Variants in HEPHL1 observed in about 807,000 individuals in gnomAD.
HEPHL1 encodes the protein hephaestin like 1.
Under a neutral mutation model 122.0 loss-of-function variants are expected in HEPHL1, and 123 were observed. The ratio of observed to expected loss-of-function variants is 1.01; its 90% confidence interval spans 0.87 to 1.17. HEPHL1 has a LOEUF of 1.17. Among genes scored for constraint, HEPHL1 ranks in the 50% most tolerant of loss-of-function variants. The pLI is 0.00. For missense variants in HEPHL1, 1,452 were observed against 1,430.5 expected (o/e 1.01, Z -0.24); for synonymous variants, 527 against 508.9 (o/e 1.04, Z -0.48).
intron 2 of HEPHL1, among the ~76,000 whole-genome samples, chr11:94,063,104 A>C (rs1425017005): frequency 6.6e-6 from 1 of 152,174 alleles, no homozygotes; most frequent in African/African-American, 2.4e-5. Flanking sequence ...AATCTGAAAT[A>C]AGTCCCCAAG....
rs1310527281 is a variant in HEPHL1, at chr11:94,101,083, GA to G, written c.2435-107del. The G allele has an allele frequency of 2.7e-5, 33 of 1,223,024 alleles. No homozygotes were observed. The African/African-American group carries it at 4.4e-4, about 16-fold the overall frequency. 75.8% of individuals were successfully genotyped at this position (1,223,024 alleles called of 1,614,324 possible). ...AGTAGAGTTATATATGCCTTTCTCG[GA>G]AAAACAACTAAAGCCAAACTATTTT... On this transcript the variant is annotated intron_variant, in intron 13 of 19. Coordinates refer to ENST00000315765, the MANE Select transcript of HEPHL1 (RefSeq NM_001098672.2).
intron 1 of HEPHL1, among the ~76,000 whole-genome samples, chr11:94,035,049 A>G (rs987786766): frequency 1.8e-4 from 28 of 152,190 alleles, no homozygotes; most frequent in African/African-American, 6.8e-4. Flanking sequence ...TTACATCTAA[A>G]TGCCTTAGCC....
chr11:94,102,865 C>T (rs1002794959), intron 14 of HEPHL1, 49 bp from the exon 15 acceptor site: 3 of 937,438 alleles, frequency 3.2e-6, no homozygotes, highest in Non-Finnish European at 5.2e-6. Flanking sequence ...GATAAATCAT[C>T]TGAAACACAG....
At chr11:94,078,474 T>TATATATATAC in intron 9 of HEPHL1, among the ~76,000 whole-genome samples, 1 of 118,558 alleles carries the variant, frequency 8.4e-6, no homozygotes, top group Non-Finnish European at 1.8e-5. Flanking sequence ...TATATATATA[T>TATATATATAC]ATGGAGAAAG....
rs1172123864 is a variant in HEPHL1, at chr11:94,104,540, G to C, written c.2695G>C (p.Gly899Arg). 2 of 1,611,262 alleles carry C rather than the reference G, an allele frequency of 1.2e-6. No homozygotes were observed. Among genetic ancestry groups the C allele is most frequent in the Admixed American group, 3.3e-5 (2 of 59,982 alleles). The change falls in exon 16 of 20, where the codon GGT (glycine) becomes CGT (arginine). Residue 899 changes from glycine (G) to arginine (R), a missense_variant. Coordinates refer to ENST00000315765, the MANE Select transcript of HEPHL1 (RefSeq NM_001098672.2). ...TTTTTTCTTCCAGGATACGTATAGT[G>C]GTTTGATGGGTCCTCTGATTACATG... ...TVNFVKDTYS[G>R]LMGPLITCRK...
intron 14 of HEPHL1, 65 bp downstream of exon 14, chr11:94,101,400 T>G: frequency 6.6e-7 from 1 of 1,525,036 alleles, no homozygotes; most frequent in Non-Finnish European, 8.9e-7. Context: ...TTTTCTGGTC[T>G]CAGAGGTGTC....
intron 2 of HEPHL1, among the ~76,000 whole-genome samples, chr11:94,052,082 A>C (rs1007444888): frequency 1.3e-5 from 2 of 151,938 alleles, no homozygotes; most frequent in Non-Finnish European, 2.9e-5. Context: ...TGATTCCTCC[A>C]GTTTTGTCCT....
chr11:94,058,547 C>T (rs113451247), intron 2 of HEPHL1, among the ~76,000 whole-genome samples: 1,591 of 152,020 alleles, frequency 0.01, 23 homozygotes, highest in African/African-American at 0.036. Context: ...GTGGGTTGAG[C>T]GGGTGGGGCT....
chr11:94,111,291 A>G (rs1305678534), intron 18 of HEPHL1, among the ~76,000 whole-genome samples: 1 of 152,204 alleles, frequency 6.6e-6, no homozygotes, highest in African/African-American at 2.4e-5. Context: ...TAACAGTTGG[A>G]GGATATGAGC....
At chr11:94,092,573 C>T (rs1446224538) in intron 12 of HEPHL1, among the ~76,000 whole-genome samples, 1 of 152,108 alleles carries the variant, frequency 6.6e-6, no homozygotes, top group African/African-American at 2.4e-5. Flanking sequence ...TATGTTGGTG[C>T]TTTCACTGTT....
At chr11:94,107,380 ATT>A (rs1412539509) in intron 17 of HEPHL1, among the ~76,000 whole-genome samples, 1 of 152,174 alleles carries the variant, frequency 6.6e-6, no homozygotes, top group Non-Finnish European at 1.5e-5. Context: ...AATACACAAA[ATT>A]ATAAAAATTT....
At chr11:94,056,494 T>A (rs1188685863) in intron 2 of HEPHL1, among the ~76,000 whole-genome samples, 1 of 152,198 alleles carries the variant, frequency 6.6e-6, no homozygotes, top group Non-Finnish European at 1.5e-5. Flanking sequence ...TAATTTCTGT[T>A]TATTTTTTAG....
intron 13 of HEPHL1, among the ~76,000 whole-genome samples, chr11:94,096,215 A>C (rs1355297603): frequency 6.6e-6 from 1 of 152,154 alleles, no homozygotes; most frequent in African/African-American, 2.4e-5. Context: ...ATTTATTGAG[A>C]GTTTTTAGCA....
intron 2 of HEPHL1, chr11:94,055,949 G>T: frequency 7.6e-7 from 1 of 1,312,384 alleles, no homozygotes; most frequent in Non-Finnish European, 1.1e-6. Flanking sequence ...ACTTGCCAGT[G>T]GACTCTAACA....
intron 2 of HEPHL1, among the ~76,000 whole-genome samples, chr11:94,058,425 A>T (rs543792766): frequency 9.2e-5 from 14 of 152,296 alleles, no homozygotes; most frequent in Middle Eastern, 3.4e-3. Flanking sequence ...GCTTAATTCA[A>T]CTTAGTGTTT....
intron 1 of HEPHL1, among the ~76,000 whole-genome samples, 195 bp from the exon 2 acceptor site, chr11:94,045,478 G>A (rs905788457): frequency 6.6e-6 from 1 of 152,150 alleles, no homozygotes; most frequent in Non-Finnish European, 1.5e-5. Context: ...GTGCCCTTTG[G>A]CTTGCCACTT....
At chr11:94,085,050 T>C (rs2134441117) in intron 10 of HEPHL1, among the ~76,000 whole-genome samples, 1 of 152,368 alleles carries the variant, frequency 6.6e-6, no homozygotes, top group East Asian at 1.9e-4. Flanking sequence ...TAATAGTTCC[T>C]TCCTGCTATA....
rs1329375241 is a variant in HEPHL1 at position 94,055,265 on chromosome 11, T to C, written c.416-8243T>C. Reference sequence around the variant, plus strand: ...CCACCATGAATCTGGCCCTCTCTGATTCCTGTTGAGCCACCTGTTTCACTC... The same window carrying C: ...CCACCATGAATCTGGCCCTCTCTGACTCCTGTTGAGCCACCTGTTTCACTC... On this transcript the variant is annotated intron_variant, in intron 2 of 19. Transcript: ENST00000315765. The C allele has an allele frequency of 1.1e-5, 3 of 280,722 alleles. No individual in the cohort carries two copies. In the Admixed American group the frequency reaches 1.1e-4, roughly 10 times the overall value. 17.4% of individuals were successfully genotyped at this position (280,722 alleles called of 1,614,324 possible).
rs764744404 is a variant in HEPHL1, at chr11:94,093,686, C to A, written c.2434+46C>A. 7 of 1,589,330 alleles carry A rather than the reference C, an allele frequency of 4.4e-6. 1 individual carries two copies. The Middle Eastern group carries it at 5.1e-4, about 116-fold the overall frequency. ...GTGCACTGTCAGCCCCAAGCATGTG[C>A]ATGCACACATACTCATGTGTTCTGT... On this transcript the variant is annotated intron_variant, in intron 13 of 19. Coordinates refer to ENST00000315765, the MANE Select transcript of HEPHL1 (RefSeq NM_001098672.2).
Sources: allele counts gnomAD v4.1 joint callset (sites outside exome capture counted in the v4.1 genomes callset), GRCh38; gene constraint gnomAD v4.1.1; transcripts MANE v1.5; gene names NCBI Gene and HGNC (gene_info 2026-07-23, HGNC 2026-07-21).